SFXN1: variants seen among roughly 807,000 people sequenced by gnomAD.
SFXN1 encodes sideroflexin 1, also known as sideroflexin-1.
SFXN1 carries 32 observed loss-of-function variants against 39.5 expected under a neutral mutation model. That is an observed-to-expected ratio of 0.81 (90% CI 0.61 to 1.09). The LOEUF (loss-of-function observed/expected upper bound fraction) is 1.09, where lower values mean the gene tolerates loss of function less well. Ranked by LOEUF, SFXN1 falls within the 50% of genes least tolerant of loss-of-function variation. SFXN1 has a pLI of 0.00. For synonymous variants in SFXN1, 136 were observed against 146.5 expected (o/e 0.93, Z 0.52); for missense variants, 402 against 407.1 (o/e 0.99, Z 0.11).
At chr5:175,518,411 C>T (rs1206882194) in intron 8 of SFXN1, among the ~76,000 whole-genome samples, 3 of 151,994 alleles carry the variant, frequency 2.0e-5, no homozygotes, top group African/African-American at 7.3e-5. Flanking sequence ...TTGCTGAATG[C>T]TTGTTTATGC....
intron 2 of SFXN1, among the ~76,000 whole-genome samples, chr5:175,492,884 C>T (rs1759712243): frequency 6.6e-6 from 1 of 152,124 alleles, no homozygotes; most frequent in East Asian, 1.9e-4. Context: ...ACTATTTCAG[C>T]CTTTGTGGAT....
Position 175,509,039 on chromosome 5 carries a change from A to G in SFXN1, c.172A>G (p.Ile58Val). 1 of 1,606,464 alleles carries G rather than the reference A, an allele frequency of 6.2e-7. No individual in the cohort carries two copies. Among genetic ancestry groups the G allele is most frequent in the African/African-American group, 1.3e-5 (1 of 74,664 alleles). ...TATTTGTTGTTTTCTTAGGCAAGGA[A>G]TTGTTCCTCCTGGTCTTACAGAAAA... The part of the protein sequence containing the change: ...RKIVHDYRQG[I>V]VPPGLTENEL... The change falls in exon 3 of 11, where the codon ATT (isoleucine) becomes GTT (valine). Residue 58 changes from isoleucine (I) to valine (V), a missense_variant. Transcript: ENST00000321442.
chr5:175,501,308 T>C (rs1581287358), intron 2 of SFXN1, among the ~76,000 whole-genome samples: 1 of 152,020 alleles, frequency 6.6e-6, no homozygotes, highest in Non-Finnish European at 1.5e-5. Flanking sequence ...GACCTCGTTA[T>C]CCGCCCGCCT....
intron 1 of SFXN1, 58 bp from the exon 2 acceptor site, chr5:175,492,037 C>A: frequency 7.4e-7 from 1 of 1,344,262 alleles, no homozygotes; most frequent in Non-Finnish European, 1.0e-6. Context: ...TGTAAAGTTT[C>A]TAAATACGTA....
chr5:175,497,936 G>GAAAAAAAAA (rs71581646), intron 2 of SFXN1, among the ~76,000 whole-genome samples: 4 of 95,852 alleles, frequency 4.2e-5, no homozygotes, highest in Non-Finnish European at 4.5e-5. Flanking sequence ...GTCTCAAAAA[G>GAAAAAAAAA]AAAAAAAAAA....
intron 1 of SFXN1, among the ~76,000 whole-genome samples, chr5:175,489,562 C>T (rs1428633087): frequency 6.6e-6 from 1 of 152,148 alleles, no homozygotes; most frequent in Non-Finnish European, 1.5e-5. Flanking sequence ...CAATGACATA[C>T]ATTTCTTGTA....
chr5:175,526,639 T>C lies in SFXN1; in HGVS notation c.874T>C (p.Ser292Pro), dbSNP rs1761068279. 2.5e-6 allele frequency: 4 copies of C among 1,613,776 alleles called. No homozygotes were observed. The highest frequency in any genetic ancestry group is 1.1e-5 in the South Asian group (1 of 91,082). The part of the protein sequence containing the change: ...LCCALFPQKS[S>P]MSVTSLEAEL... ...CCTGTCATTTCTCCCTTATCCCAGT[T>C]CCATGTCTGTGACAAGCTTGGAGGC... Residue 292 changes from serine (S) to proline (P), a missense_variant and splice_region_variant, in exon 11 of 11, where the codon TCC (serine) becomes CCC (proline). Physicochemically the swap from Ser to Pro is moderately conservative, Grantham distance 74. Transcript: ENST00000321442.
chr5:175,498,835 A>T (rs1408355268), intron 2 of SFXN1, among the ~76,000 whole-genome samples: 2 of 152,174 alleles, frequency 1.3e-5, no homozygotes, highest in African/African-American at 4.8e-5. Context: ...GGGGAAAAGG[A>T]ATGAGGAGGA....
At chr5:175,521,695 A>C (rs1335255832) in intron 8 of SFXN1, among the ~76,000 whole-genome samples, 1 of 152,234 alleles carries the variant, frequency 6.6e-6, no homozygotes, top group East Asian at 1.9e-4. Context: ...ACTGGGAGGA[A>C]AAATAGAAGC....
intron 1 of SFXN1, among the ~76,000 whole-genome samples, chr5:175,486,317 C>T (rs1230453712): frequency 6.6e-6 from 1 of 152,212 alleles, no homozygotes; most frequent in African/African-American, 2.4e-5. Context: ...TTTGAGTTCT[C>T]CCGGACTTGT....
chr5:175,496,047 C>T (rs1205101339), intron 2 of SFXN1, among the ~76,000 whole-genome samples: 7 of 150,436 alleles, frequency 4.7e-5, no homozygotes, highest in South Asian at 2.1e-4. Flanking sequence ...ATTACAGGCA[C>T]GCACCACCAC....
chr5:175,495,064 G>A (rs963760751), intron 2 of SFXN1, among the ~76,000 whole-genome samples: 2 of 152,172 alleles, frequency 1.3e-5, no homozygotes, highest in Non-Finnish European at 2.9e-5. Context: ...ATGAGTGGAT[G>A]AACAAATGTG....
chr5:175,515,032 TGAGACAGGA>T (rs1176380592), intron 7 of SFXN1, among the ~76,000 whole-genome samples: 1 of 152,212 alleles, frequency 6.6e-6, no homozygotes, highest in Non-Finnish European at 1.5e-5. Context: ...TCGTTGTTTT[TGAGACAGGA>T]TATTGCCCTG....
chr5:175,505,572 A>ATAATAATAATAATAATAATTC (rs1156627589), intron 2 of SFXN1, among the ~76,000 whole-genome samples: 1 of 148,042 alleles, frequency 6.8e-6, no homozygotes, highest in Non-Finnish European at 1.5e-5. Context: ...AATAATAATA[A>ATAATAATAATAATAATAATTC]TTCTAAGGTT....
chr5:175,480,397 T>C (rs1759196764), intron 1 of SFXN1, among the ~76,000 whole-genome samples: 1 of 150,386 alleles, frequency 6.6e-6, no homozygotes, highest in Non-Finnish European at 1.5e-5. Flanking sequence ...CAAGACTCCG[T>C]CTTAAAAAAA....
intron 2 of SFXN1, among the ~76,000 whole-genome samples, chr5:175,493,433 C>T (rs1759737959): frequency 6.6e-6 from 1 of 152,156 alleles, no homozygotes; most frequent in African/African-American, 2.4e-5. Flanking sequence ...GGTCCTTAAC[C>T]ATCATCTAGG....
intron 8 of SFXN1, among the ~76,000 whole-genome samples, chr5:175,520,707 G>C (rs1052988148): frequency 2.0e-5 from 3 of 152,134 alleles, no homozygotes; most frequent in Non-Finnish European, 4.4e-5. Flanking sequence ...AAGAGCACAG[G>C]CTCTCGCTAA....
At chr5:175,483,939 A>G (rs1366835357) in intron 1 of SFXN1, 3 of 151,516 alleles carry the variant, frequency 2.0e-5, no homozygotes, top group Admixed American at 2.0e-4. Flanking sequence ...GAACCCACAC[A>G]CTCTGGAACA....
In SFXN1 at chr5:175,489,281, G is replaced by A. The variant is rs146586258; in HGVS notation, c.-9-2814G>A. Among the ~76,000 whole-genome samples, 877 of 152,310 alleles carry A rather than the reference G, an allele frequency of 5.8e-3. 8 individuals carry two copies. The highest frequency in any genetic ancestry group is 0.02 in the Middle Eastern group (6 of 294). On this transcript the variant is annotated intron_variant, in intron 1 of 10. Coordinates refer to ENST00000321442, the MANE Select transcript of SFXN1 (RefSeq NM_022754.7). Reference sequence around the variant, plus strand: ...CTGTCTTATTCTGTTGTATGATTACGTATGATTACGTGTGACTTCTAAGGA... The same window carrying A: ...CTGTCTTATTCTGTTGTATGATTACATATGATTACGTGTGACTTCTAAGGA...
Sources: gnomAD v4.1 joint callset for allele counts (sites outside exome capture counted in the v4.1 genomes callset) on GRCh38, gnomAD v4.1.1 for gene constraint, MANE v1.5 for transcripts, NCBI Gene and HGNC (gene_info 2026-07-23, HGNC 2026-07-21) for gene names.